Variants in CREB5 observed in about 807,000 individuals in gnomAD.
CREB5 encodes cyclic AMP-responsive element-binding protein 5.
Under a neutral mutation model 57.1 loss-of-function variants are expected in CREB5, and 19 were observed. That is an observed-to-expected ratio of 0.33 (90% CI 0.23 to 0.49). The LOEUF is 0.49. Among genes scored for constraint, CREB5 ranks in the 20% least tolerant of loss-of-function variants. CREB5 has a pLI of 0.99. For missense variants in CREB5, 579 were observed against 671.6 expected, an observed-to-expected ratio of 0.86 and a Z score of 1.52; for synonymous variants, 238 against 238.3, an observed-to-expected ratio of 1.00 and a Z score of 0.01.
intron 7 of CREB5, among the ~76,000 whole-genome samples, chr7:28,769,381 TGA>T (rs1381809183): frequency 6.6e-6 from 1 of 152,222 alleles, no homozygotes; most frequent in Non-Finnish European, 1.5e-5. Context: ...GTTTGATAGA[TGA>T]GAGATATGCT....
At chr7:28,545,434 A>C (rs938124238) in intron 4 of CREB5, among the ~76,000 whole-genome samples, 1 of 152,134 alleles carries the variant, frequency 6.6e-6, no homozygotes, top group Admixed American at 6.5e-5. Context: ...GCTATGGTAC[A>C]TTTCTTTTCT....
intron 5 of CREB5, among the ~76,000 whole-genome samples, chr7:28,617,754 GC>G: frequency 6.6e-6 from 1 of 152,216 alleles, no homozygotes; most frequent in Non-Finnish European, 1.5e-5. Flanking sequence ...GGGAAAAAGA[GC>G]AGCGCTCTAT....
intron 5 of CREB5, among the ~76,000 whole-genome samples, chr7:28,578,690 T>C (rs191629357): frequency 6.6e-6 from 1 of 152,322 alleles, no homozygotes; most frequent in Non-Finnish European, 1.5e-5. Flanking sequence ...ATCTAGAAAT[T>C]TGGAGATAGC....
At chr7:28,743,380 A>G (rs956515094) in intron 7 of CREB5, among the ~76,000 whole-genome samples, 3 of 152,138 alleles carry the variant, frequency 2.0e-5, no homozygotes, top group African/African-American at 7.2e-5. Context: ...AAAAAATACA[A>G]AAATTAGCTG....
chr7:28,818,362 C>T (rs1358774763), intron 10 of CREB5, among the ~76,000 whole-genome samples, 183 bp downstream of exon 10: 1 of 152,168 alleles, frequency 6.6e-6, no homozygotes, highest in Non-Finnish European at 1.5e-5. Context: ...GACCCCTGTG[C>T]AACACCATGC....
chr7:28,341,566 A>AT (rs1468751355), intron 1 of CREB5, among the ~76,000 whole-genome samples: 1 of 152,132 alleles, frequency 6.6e-6, no homozygotes, highest in Admixed American at 6.5e-5. Context: ...CCTCCAACTG[A>AT]TTGTATCGGC....
intron 5 of CREB5, among the ~76,000 whole-genome samples, chr7:28,644,988 A>G (rs981534228): frequency 6.6e-6 from 1 of 152,144 alleles, no homozygotes; most frequent in East Asian, 1.9e-4. Context: ...AACAACGCGT[A>G]CCTTGGCCAA....
intron 1 of CREB5, among the ~76,000 whole-genome samples, chr7:28,440,143 A>G (rs567115858): frequency 6.6e-6 from 1 of 152,308 alleles, no homozygotes; most frequent in South Asian, 2.1e-4. Context: ...TCCACGTGAC[A>G]GTAAATTATT....
intron 5 of CREB5, among the ~76,000 whole-genome samples, chr7:28,658,963 A>ATATATATATG (rs1743692628): frequency 4.3e-5 from 5 of 117,226 alleles, no homozygotes; most frequent in Admixed American, 8.5e-5. Flanking sequence ...GTATATATAT[A>ATATATATATG]TATATATATA....
chr7:28,566,353 T>C (rs926857037), intron 4 of CREB5, among the ~76,000 whole-genome samples: 5 of 152,216 alleles, frequency 3.3e-5, no homozygotes, highest in African/African-American at 1.2e-4. Context: ...TCCAAACTGT[T>C]GATAAAAAAT....
chr7:28,750,256 C>T (rs1484285519), intron 7 of CREB5, among the ~76,000 whole-genome samples: 2 of 152,190 alleles, frequency 1.3e-5, no homozygotes, highest in African/African-American at 4.8e-5. Flanking sequence ...CAGTGTGTTC[C>T]TTCCACGTTC....
At chr7:28,374,452 A>C (rs760339426) in intron 1 of CREB5, among the ~76,000 whole-genome samples, 1 of 152,238 alleles carries the variant, frequency 6.6e-6, no homozygotes, top group African/African-American at 2.4e-5. Context: ...TTTATTAACA[A>C]GTAAGTGGAT....
intron 5 of CREB5, among the ~76,000 whole-genome samples, chr7:28,581,341 G>C (rs913497919): frequency 2.6e-5 from 4 of 152,162 alleles, no homozygotes; most frequent in African/African-American, 7.2e-5. Flanking sequence ...GTGTGGCCAG[G>C]GGATTTTTTA....
intron 1 of CREB5, among the ~76,000 whole-genome samples, chr7:28,325,305 A>C (rs1426404504): frequency 6.6e-6 from 1 of 152,180 alleles, no homozygotes; most frequent in Non-Finnish European, 1.5e-5. Flanking sequence ...ACTACAAAAA[A>C]TTAGCCAGGC....
intron 1 of CREB5, among the ~76,000 whole-genome samples, chr7:28,337,363 C>A (rs1314500261): frequency 6.6e-6 from 1 of 152,096 alleles, no homozygotes; most frequent in Admixed American, 6.5e-5. Flanking sequence ...TTGCTTTATA[C>A]AACTAGGTGC....
At chr7:28,650,591 T>TC (rs573974970) in intron 5 of CREB5, among the ~76,000 whole-genome samples, 4,199 of 150,946 alleles carry the variant, frequency 0.028, 93 homozygotes, top group Non-Finnish European at 0.039. Context: ...GCCTAGTGCT[T>TC]CCCCCCCCAA....
At position 28,414,750 on chromosome 7, in the gene CREB5, G is replaced by T. The variant is rs143811126; in HGVS notation, c.3+1833G>T. Among the ~76,000 whole-genome samples, 29 of 152,066 alleles carry T rather than the reference G, an allele frequency of 1.9e-4. No individual in the cohort carries two copies. The East Asian group carries it at 5.6e-3, about 29-fold the overall frequency. On this transcript the variant is annotated intron_variant, in intron 1 of 10. Transcript: ENST00000357727. Reference sequence around the variant, plus strand: ...TTTGAGTATCCATTAGTATTCCATTGTTGAGAATCACAAATCATAGATTTA... The same window carrying T: ...TTTGAGTATCCATTAGTATTCCATTTTTGAGAATCACAAATCATAGATTTA...
chr7:28,562,334 C>A (rs573925965), intron 4 of CREB5, among the ~76,000 whole-genome samples: 2 of 152,248 alleles, frequency 1.3e-5, no homozygotes, highest in South Asian at 4.1e-4. Context: ...AAGGGTGGCA[C>A]CTGAGAAGAT....
chr7:28,768,115 G>A (rs1439794075), intron 7 of CREB5, among the ~76,000 whole-genome samples: 1 of 152,196 alleles, frequency 6.6e-6, no homozygotes, highest in Admixed American at 6.5e-5. Flanking sequence ...GATGTGCCTT[G>A]TAGACAGGAG....
Sources: gnomAD v4.1 joint callset for allele counts (sites outside exome capture counted in the v4.1 genomes callset) on GRCh38, gnomAD v4.1.1 for gene constraint, MANE v1.5 for transcripts, NCBI Gene and HGNC (gene_info 2026-07-23, HGNC 2026-07-21) for gene names.